DLGAP4: variants seen among roughly 807,000 people sequenced by gnomAD.
DLGAP4 encodes the protein DLG associated protein 4, also known as disks large-associated protein 4.
In DLGAP4, 18 loss-of-function variants were observed where a neutral mutation model predicts 86.9. The ratio of observed to expected loss-of-function variants is 0.21; its 90% CI spans 0.14 to 0.31. DLGAP4 has a LOEUF of 0.31. Among genes scored for constraint, DLGAP4 ranks in the 10% least tolerant of loss-of-function variants. DLGAP4 has a pLI of 1.00. For synonymous variants in DLGAP4, 548 were observed against 574.3 expected (o/e 0.95, Z 0.65); for missense variants, 1,085 against 1,362.6 (o/e 0.80, Z 3.21).
intron 7 of DLGAP4, chr20:36,462,152 C>T (rs1333835056): frequency 1.9e-6 from 2 of 1,035,520 alleles, no homozygotes; most frequent in East Asian, 9.8e-5. Context: ...GGGTGTTCCC[C>T]ATATCCACTG....
intron 7 of DLGAP4, chr20:36,473,250 GT>G (rs1273844778): frequency 6.6e-6 from 1 of 152,212 alleles, no homozygotes; most frequent in African/African-American, 2.4e-5. Flanking sequence ...ACCTCCTATA[GT>G]TTCTTTTTGG....
chr20:36,317,917 C>G (rs1056744511), intron 1 of DLGAP4, among the ~76,000 whole-genome samples: 1 of 151,986 alleles, frequency 6.6e-6, no homozygotes, highest in South Asian at 2.1e-4. Context: ...ATCAGGGCCA[C>G]TAAAGAAAAG....
chr20:36,443,557 T>G (rs2033509139), intron 6 of DLGAP4, among the ~76,000 whole-genome samples: 1 of 152,102 alleles, frequency 6.6e-6, no homozygotes, highest in Admixed American at 6.5e-5. Context: ...AGCTGTGTGT[T>G]CCTCCTGAAC....
chr20:36,382,419 G>A (rs1198409960), intron 2 of DLGAP4, among the ~76,000 whole-genome samples: 1 of 151,586 alleles, frequency 6.6e-6, no homozygotes, highest in East Asian at 1.9e-4. Context: ...TAGAGACTGA[G>A]TACTGCTTTG....
intron 7 of DLGAP4, chr20:36,461,838 C>G (rs1160728873): frequency 1.1e-5 from 11 of 983,020 alleles, no homozygotes; most frequent in African/African-American, 1.8e-5. Flanking sequence ...TTGTCTCTCC[C>G]CGGCTCGCTG....
At chr20:36,365,023 A>C (rs1201053714) in intron 1 of DLGAP4, among the ~76,000 whole-genome samples, 1 of 152,218 alleles carries the variant, frequency 6.6e-6, no homozygotes, top group Non-Finnish European at 1.5e-5. Flanking sequence ...TGAGCCCAGA[A>C]GGTCAAGGCT....
chr20:36,448,725 G>T (rs1186441329), intron 7 of DLGAP4, among the ~76,000 whole-genome samples: 2 of 152,210 alleles, frequency 1.3e-5, no homozygotes, highest in Non-Finnish European at 2.9e-5. Context: ...CTTGAGGTCA[G>T]GAGTTCGAGA....
At chr20:36,346,779 C>A (rs1348490836) in intron 1 of DLGAP4, among the ~76,000 whole-genome samples, 4 of 152,132 alleles carry the variant, frequency 2.6e-5, no homozygotes, top group African/African-American at 4.8e-5. Context: ...TTTCCCATCA[C>A]CTCTCTCCTC....
In DLGAP4 at chr20:36,340,161, A is replaced by C. The variant is rs545772374; in HGVS notation, c.-303-26884A>C. Among the ~76,000 whole-genome samples, 3 of 152,204 alleles carry C rather than the reference A, an allele frequency of 2.0e-5. 1 individual carries two copies. Among genetic ancestry groups the C allele is most frequent in the South Asian group, 4.1e-4 (2 of 4,822 alleles). On this transcript the variant is annotated intron_variant, in intron 1 of 12. Transcript: ENST00000339266. Reference sequence around the variant, plus strand: ...CCAATACCCTCACCTCTGGGAACAGAGCCCCAAGTATGAGTGCGGTAGGAG... The same window carrying C: ...CCAATACCCTCACCTCTGGGAACAGCGCCCCAAGTATGAGTGCGGTAGGAG...
chr20:36,512,111 C>T (rs1442459060), intron 10 of DLGAP4, among the ~76,000 whole-genome samples: 2 of 137,938 alleles, frequency 1.4e-5, no homozygotes, highest in Non-Finnish European at 3.1e-5. Context: ...AGTGCAGTGG[C>T]GTGATCTCGG....
chr20:36,362,992 C>A (rs1246503443), intron 1 of DLGAP4, among the ~76,000 whole-genome samples: 1 of 152,220 alleles, frequency 6.6e-6, no homozygotes, highest in Non-Finnish European at 1.5e-5. Flanking sequence ...ACGTAACTGG[C>A]AGAGCCTGGA....
chr20:36,440,924 G>A (rs375036669), intron 5 of DLGAP4, among the ~76,000 whole-genome samples: 7 of 152,026 alleles, frequency 4.6e-5, no homozygotes, highest in East Asian at 3.9e-4. Context: ...TTGGGACCCC[G>A]ACTCCTCACA....
chr20:36,513,425 G>A (rs8120358), intron 10 of DLGAP4, among the ~76,000 whole-genome samples: 3,068 of 150,730 alleles, frequency 0.02, 133 homozygotes, highest in African/African-American at 0.071. Flanking sequence ...GCGGGCGCCT[G>A]TAGTCCCAGC....
intron 1 of DLGAP4, among the ~76,000 whole-genome samples, chr20:36,347,185 C>G (rs8118163): frequency 1.6e-4 from 25 of 152,318 alleles, no homozygotes; most frequent in African/African-American, 5.5e-4. Flanking sequence ...GATGGTCCAT[C>G]ATCAGCAACC....
chr20:36,364,611 G>A (rs1332772667), intron 1 of DLGAP4, among the ~76,000 whole-genome samples: 7 of 152,124 alleles, frequency 4.6e-5, no homozygotes, highest in South Asian at 2.1e-4. Flanking sequence ...TATACTTTCC[G>A]TCTGTACAGT....
intron 1 of DLGAP4, among the ~76,000 whole-genome samples, chr20:36,321,450 G>A (rs782388715): frequency 1.3e-5 from 2 of 152,234 alleles, no homozygotes; most frequent in Non-Finnish European, 2.9e-5. Flanking sequence ...AGCATAGCTG[G>A]GGCAGCTGGT....
intron 2 of DLGAP4, among the ~76,000 whole-genome samples, chr20:36,379,527 G>A (rs1336917761): frequency 6.6e-6 from 1 of 152,224 alleles, no homozygotes; most frequent in Non-Finnish European, 1.5e-5. Flanking sequence ...CTGGACCTGT[G>A]TGTAGCTGGG....
chr20:36,526,798 A>ATTTATT lies in DLGAP4; in HGVS notation c.2761-15_2761-14insTTTATT, dbSNP rs1255016694. On this transcript the variant is annotated splice_polypyrimidine_tract_variant and intron_variant, in intron 12 of 12. Transcript: ENST00000339266. ...TTTATTTTATTTTTGTTCTCTCCTC[A>ATTTATT]CTGTCTCACTAAAGGAAGAGAAGAA... The ATTTATT allele has an allele frequency of 6.3e-7, 1 of 1,583,550 alleles. No homozygotes were observed. Among genetic ancestry groups the ATTTATT allele is most frequent in the South Asian group, 1.1e-5 (1 of 88,400 alleles).
At chr20:36,510,056 C>T (rs1266823861) in intron 10 of DLGAP4, among the ~76,000 whole-genome samples, 2 of 151,766 alleles carry the variant, frequency 1.3e-5, no homozygotes, top group Non-Finnish European at 2.9e-5. Context: ...AGGCTGGTCT[C>T]GAACTCCTGA....
Sources: gnomAD v4.1 joint callset for allele counts (sites outside exome capture counted in the v4.1 genomes callset) on GRCh38, gnomAD v4.1.1 for gene constraint, MANE v1.5 for transcripts, NCBI Gene and HGNC (gene_info 2026-07-23, HGNC 2026-07-21) for gene names.